The following ETV5 variants were observed in gnomAD, a reference collection of about 807,000 sequenced individuals.
ETV5 encodes the protein ETS variant transcription factor 5.
ETV5 carries 10 observed loss-of-function variants against 70.0 expected under a neutral mutation model. The ratio of observed to expected loss-of-function variants is 0.14; its 90% CI spans 0.09 to 0.24. ETV5 has a LOEUF of 0.24. ETV5 is among the 10% of genes least tolerant of loss of function. ETV5 has a pLI of 1.00. For missense variants in ETV5, 453 were observed against 651.2 expected (o/e 0.70, Z 3.31); for synonymous variants, 216 against 242.2 (o/e 0.89, Z 1.01).
intron 1 of ETV5, chr3:186,108,397 G>T: frequency 1.3e-6 from 1 of 765,022 alleles, no homozygotes; most frequent in Non-Finnish European, 2.0e-6. Flanking sequence ...TCCACCACCT[G>T]AAACTTGCAA....
At chr3:186,099,615 C>A (rs1714401768) in intron 5 of ETV5, among the ~76,000 whole-genome samples, 1 of 152,162 alleles carries the variant, frequency 6.6e-6, no homozygotes. Context: ...TCACACACCC[C>A]ACCCCACCAC....
intron 1 of ETV5, chr3:186,108,356 G>A (rs1714646295): frequency 1.9e-6 from 1 of 533,610 alleles, no homozygotes; most frequent in Non-Finnish European, 3.4e-6. Flanking sequence ...TCAGCCTGCT[G>A]GGTGGGAGCA....
chr3:186,074,374 A>T (rs563618317), intron 7 of ETV5, among the ~76,000 whole-genome samples: 1 of 152,328 alleles, frequency 6.6e-6, no homozygotes, highest in South Asian at 2.1e-4. Flanking sequence ...AATGGTTGTT[A>T]GCAGTAAATT....
At position 186,081,109 on chromosome 3, in the gene ETV5, G is replaced by T; in HGVS notation, c.299C>A (p.Ser100Ter). ...RELHSPSSEL[S>*]SCSHEQALGA... The stretch of plus-strand genomic sequence containing the variant: ...AAGAGCCTGCTCATGGCTACAAGAC[G>T]ACAGCTCAGAGGAGGGGCTGTGCAG... Residue 100 changes from serine to a stop codon, truncating the protein, a stop_gained, in exon 6 of 13, where the codon TCG (serine) becomes TAG (stop). Coordinates refer to ENST00000306376, the MANE Select transcript of ETV5 (RefSeq NM_004454.3). LOFTEE classifies it high-confidence loss of function. The T allele has an allele frequency of 6.2e-7, 1 of 1,613,746 alleles. No individual in the cohort carries two copies. Among genetic ancestry groups the T allele is most frequent in the South Asian group, 1.1e-5 (1 of 90,984 alleles).
In ETV5 at chr3:186,057,604, C is replaced by T; in HGVS notation, c.971-113G>A. 1.1e-6 allele frequency: 1 copy of T among 903,856 alleles called. No individual in the cohort carries two copies. Among genetic ancestry groups the T allele is most frequent in the Non-Finnish European group, 1.8e-6 (1 of 550,862 alleles). The allele number at this position is 903,856 out of a possible 1,614,324, so 56.0% of individuals were successfully genotyped here. A position where few individuals can be genotyped will look rare whatever the true frequency, so the allele number is the denominator to read the frequency against. ...CTATCATTTCAGATCCTAAGTCCTA[C>T]TGCTGTATCTATGGCAGACTGAATT... is the stretch of plus-strand genomic sequence containing the variant. On this transcript the variant is annotated intron_variant, in intron 9 of 12. Transcript: ENST00000306376. This position sits in a 1 kb window ranked among gnomAD's most constrained non-coding sequence, Gnocchi z 4.9.
intron 9 of ETV5, chr3:186,064,178 G>A: frequency 1.8e-6 from 1 of 563,672 alleles, no homozygotes. Flanking sequence ...GGGCATGCTT[G>A]AAACCCTGCG....
chr3:186,059,028 AAAT>A lies in ETV5; in HGVS notation c.971-1540_971-1538del, dbSNP rs1560045855. ...GCTCTGTCTCAAAAAAAAAAAAATAAAATAAAAATAAAAAATAAAAAAAAAGAA... is the reference window on the plus strand; with the variant it reads ...GCTCTGTCTCAAAAAAAAAAAAATAAAAAAATAAAAAATAAAAAAAAAGAA... On this transcript the variant is annotated intron_variant, in intron 9 of 12. Coordinates refer to ENST00000306376, the MANE Select transcript of ETV5 (RefSeq NM_004454.3). 2.4e-4 allele frequency among the ~76,000 whole-genome samples: 36 copies of A among 149,550 alleles called. 2 individuals carry two copies. Among genetic ancestry groups the A allele is most frequent in the African/African-American group, 3.6e-4 (15 of 41,276 alleles).
intron 7 of ETV5, among the ~76,000 whole-genome samples, chr3:186,075,359 G>C (rs375139345): frequency 6.6e-6 from 1 of 152,170 alleles, no homozygotes; most frequent in Non-Finnish European, 1.5e-5. Context: ...GTGACTTACA[G>C]TCAAGTTCAT....
At chr3:186,072,876 T>A (rs1713677640) in intron 7 of ETV5, among the ~76,000 whole-genome samples, 1 of 152,250 alleles carries the variant, frequency 6.6e-6, no homozygotes, top group Non-Finnish European at 1.5e-5. Flanking sequence ...GGTGCACACC[T>A]GTAATCCCAG....
At chr3:186,102,592 G>A (rs1714486664) in intron 5 of ETV5, among the ~76,000 whole-genome samples, 1 of 137,676 alleles carries the variant, frequency 7.3e-6, no homozygotes. Context: ...GGCCGAGATT[G>A]CGCCATTGCA....
At chr3:186,053,932 G>A (rs529466100) in intron 11 of ETV5, among the ~76,000 whole-genome samples, 18 of 152,330 alleles carry the variant, frequency 1.2e-4, no homozygotes, top group Admixed American at 1.1e-3. Flanking sequence ...GGAAATTTCA[G>A]AGAAGCCCAG....
At chr3:186,075,786 G>A (rs1388129895) in intron 7 of ETV5, among the ~76,000 whole-genome samples, 1 of 152,224 alleles carries the variant, frequency 6.6e-6, no homozygotes, top group Non-Finnish European at 1.5e-5. Flanking sequence ...TCAGGTACAG[G>A]AGCATTTTCT....
intron 9 of ETV5, among the ~76,000 whole-genome samples, chr3:186,060,045 GA>G (rs1241848607): frequency 6.6e-6 from 1 of 152,126 alleles, no homozygotes; most frequent in African/African-American, 2.4e-5. Context: ...TGCCTGCCAG[GA>G]AGCTACATAT....
At position 186,048,028 on chromosome 3, in the gene ETV5, A is replaced by T. The variant is rs1712923427; in HGVS notation, c.*611T>A. 8.6e-6 allele frequency: 2 copies of T among 233,344 alleles called. No individual in the cohort carries two copies. Among genetic ancestry groups the T allele is most frequent in the East Asian group, 1.2e-4 (2 of 16,484 alleles). 14.5% of individuals were successfully genotyped at this position (233,344 alleles called of 1,614,324 possible). A position where few individuals can be genotyped will look rare whatever the true frequency, so the allele number is the denominator to read the frequency against. On this transcript the variant is annotated 3_prime_UTR_variant, in exon 13 of 13. Coordinates refer to ENST00000306376, the MANE Select transcript of ETV5 (RefSeq NM_004454.3). ...GCGACCACATGGCCGGGTGGTTCCC[A>T]AGAGTAGCCATGGTTTATGATTTTG...
At chr3:186,100,311 G>A (rs868858872) in intron 5 of ETV5, among the ~76,000 whole-genome samples, 9 of 152,082 alleles carry the variant, frequency 5.9e-5, no homozygotes, top group African/African-American at 2.2e-4. Context: ...TTTTTAAAGT[G>A]CCCACTGTTT....
chr3:186,081,760 AAAC>A (rs1225563684), intron 5 of ETV5, among the ~76,000 whole-genome samples: 1 of 152,266 alleles, frequency 6.6e-6, no homozygotes. Flanking sequence ...CAAAGGAATA[AAAC>A]AACAGACCAA....
Position 186,048,432 on chromosome 3 carries a change from T to C in ETV5, c.*207A>G. 1.7e-6 allele frequency: 1 copy of C among 578,012 alleles called. No individual in the cohort carries two copies. 35.8% of individuals were successfully genotyped at this position (578,012 alleles called of 1,614,324 possible). On this transcript the variant is annotated 3_prime_UTR_variant, in exon 13 of 13. Coordinates refer to ENST00000306376, the MANE Select transcript of ETV5 (RefSeq NM_004454.3). ...ATCAAGAGTTGAGGCACTGGCCTTT[T>C]GGTGGTTTTCTGCCCCTCCCTGTTC...
intron 5 of ETV5, among the ~76,000 whole-genome samples, chr3:186,083,838 C>T (rs534378461): frequency 1.3e-3 from 156 of 117,812 alleles, no homozygotes; most frequent in African/African-American, 4.9e-3. Flanking sequence ...ATGGCAGGAA[C>T]AAGAATGGAA....
chr3:186,046,819 A>G lies in ETV5; in HGVS notation c.*1820T>C, dbSNP rs1712890757. On this transcript the variant is annotated 3_prime_UTR_variant, in exon 13 of 13. Transcript: ENST00000306376. ...TGTGTAGGTTAAGAAAGCTATAAAT[A>G]TGGTTTAGAAAGAGTCCTTTGATTA... is the stretch of plus-strand genomic sequence containing the variant. 1 of 232,186 alleles carries G rather than the reference A, an allele frequency of 4.3e-6. No homozygotes were observed. The highest frequency in any genetic ancestry group is 1.8e-4 in the South Asian group (1 of 5,520). The allele number at this position is 232,186 out of a possible 1,614,324, so 14.4% of individuals were successfully genotyped here. A position where few individuals can be genotyped will look rare whatever the true frequency, so the allele number is the denominator to read the frequency against.
Sources: gnomAD v4.1 joint callset for allele counts (sites outside exome capture counted in the v4.1 genomes callset) on GRCh38, gnomAD v4.1.1 for gene constraint, Gnocchi (gnomAD v3.1) non-coding constraint, MANE v1.5 for transcripts, NCBI Gene and HGNC (gene_info 2026-07-23, HGNC 2026-07-21) for gene names.